Variants in TPR observed in about 807,000 individuals in gnomAD.
The protein encoded by TPR is nucleoprotein TPR.
TPR carries 51 observed loss-of-function variants against 316.1 expected under a neutral mutation model. That is an observed-to-expected ratio of 0.16 (90% CI 0.13 to 0.20). The LOEUF (loss-of-function observed/expected upper bound fraction) is 0.20. Among genes scored for constraint, TPR ranks in the 10% least tolerant of loss-of-function variants. The pLI is 1.00. For missense variants in TPR, 2,272 were observed against 2,754.8 expected (o/e 0.82, Z 3.92); for synonymous variants, 981 against 914.7 (o/e 1.07, Z -1.31).
chr1:186,374,898 T>C lies in TPR; in HGVS notation c.131A>G (p.Glu44Gly), dbSNP rs757444130. Residue 44 changes from glutamate (E) to glycine (G), a missense_variant, in exon 1 of 51, where the codon GAG becomes GGG. By Grantham distance (98) the Glu-to-Gly change is moderately conservative. Around this residue, in one of 10 missense-constraint regions of TPR, gnomAD observed 549 missense variants for 598.6 expected, o/e 0.92. Transcript: ENST00000367478. ...SEIDGLKGRH[E>G]KFKVESEQQY... ...CTTACCGCTCTCCACCTTAAATTTC[T>C]CATGCCGCCCCTTCAGGCCATCGAT... is the stretch of plus-strand genomic sequence containing the variant. 6.3e-7 allele frequency: 1 copy of C among 1,598,378 alleles called. No individual in the cohort carries two copies. Among genetic ancestry groups the C allele is most frequent in the Non-Finnish European group, 8.6e-7 (1 of 1,167,014 alleles).
rs749386887 is a variant in TPR, at chr1:186,317,479, C to G, written c.6940+3G>C. On this transcript the variant is annotated splice_donor_region_variant and intron_variant, in intron 49 of 50. Coordinates refer to ENST00000367478, the MANE Select transcript of TPR (RefSeq NM_003292.3). ...TGTATTGCAGTCAAGGGCAGGGACT[C>G]ACCTACAGATGAGCTAGAAGGAGGA... 10 of 1,612,794 alleles carry G rather than the reference C, an allele frequency of 6.2e-6. No homozygotes were observed. The highest frequency in any genetic ancestry group is 8.5e-6 in the Non-Finnish European group (10 of 1,178,914).
In TPR at chr1:186,339,792, T is replaced by C. The variant is rs1382914231; in HGVS notation, c.4021-20A>G. 2 of 1,547,404 alleles carry C rather than the reference T, an allele frequency of 1.3e-6. No homozygotes were observed. The highest frequency in any genetic ancestry group is 1.9e-4 in the Middle Eastern group (1 of 5,218). On this transcript the variant is annotated intron_variant, in intron 29 of 50. Transcript: ENST00000367478. ...TAGATGCTAGAATAACAAAAATGCATACTTGATTTTTTTAGGTTTTATGAA... is the reference window on the plus strand; with the variant it reads ...TAGATGCTAGAATAACAAAAATGCACACTTGATTTTTTTAGGTTTTATGAA...
At chr1:186,331,362 T>C in intron 39 of TPR, 136 bp downstream of exon 39, 1 of 570,128 alleles carries the variant, frequency 1.8e-6, no homozygotes, top group South Asian at 2.7e-5. Flanking sequence ...TCTGCAATGA[T>C]TAATTCTAGT....
At chr1:186,357,051 A>T (rs960000883) in intron 14 of TPR, among the ~76,000 whole-genome samples, 17 of 151,868 alleles carry the variant, frequency 1.1e-4, no homozygotes, top group African/African-American at 4.1e-4. Context: ...GAACACATAG[A>T]TTTTTTTTGC....
intron 4 of TPR, among the ~76,000 whole-genome samples, chr1:186,367,159 T>C (rs949463257): frequency 1.1e-4 from 16 of 147,158 alleles, no homozygotes; most frequent in African/African-American, 4.0e-4. Flanking sequence ...CTCCGGCTCC[T>C]GGGTTTAAGC....
chr1:186,375,132 A>G lies in TPR; in HGVS notation c.-104T>C, dbSNP rs1481852143. 4 of 1,556,138 alleles carry G rather than the reference A, an allele frequency of 2.6e-6. No homozygotes were observed. The highest frequency in any genetic ancestry group is 3.5e-6 in the Non-Finnish European group (4 of 1,151,080). ...AGACGCCTGGGCCGCCGCCTCTATCACCTCGCTCGGTGGCTCGCGCGCGCC... is the reference window on the plus strand; with the variant it reads ...AGACGCCTGGGCCGCCGCCTCTATCGCCTCGCTCGGTGGCTCGCGCGCGCC... On this transcript the variant is annotated 5_prime_UTR_variant, in exon 1 of 51. Transcript: ENST00000367478.
intron 13 of TPR, 75 bp downstream of exon 13, chr1:186,358,468 T>A (rs1051004155): frequency 2.7e-6 from 3 of 1,106,768 alleles, no homozygotes; most frequent in African/African-American, 3.2e-5. Flanking sequence ...CTATCTTAGG[T>A]ACCTTCAAAC....
chr1:186,318,884 A>C, intron 46 of TPR, 56 bp from the exon 47 acceptor site: 1 of 1,528,148 alleles, frequency 6.5e-7, no homozygotes, highest in Admixed American at 1.7e-5. Flanking sequence ...AATTATCAAC[A>C]AGTCAGGGAT....
intron 3 of TPR, among the ~76,000 whole-genome samples, chr1:186,369,901 G>GT (rs559080717): frequency 1.4e-4 from 21 of 148,262 alleles, no homozygotes; most frequent in South Asian, 6.4e-4. Context: ...TCACTTCATA[G>GT]TTTTTTTTTT....
Position 186,312,411 on chromosome 1 carries a change from A to T in TPR, c.*1560T>A. 6.5e-7 allele frequency: 1 copy of T among 1,538,502 alleles called. No homozygotes were observed. Among genetic ancestry groups the T allele is most frequent in the South Asian group, 1.2e-5 (1 of 84,850 alleles). The stretch of plus-strand genomic sequence containing the variant: ...TGTGTTAAAAAAATCCTTAAACATA[A>T]GTAGATGTAATACAGTTTCTTATAC... On this transcript the variant is annotated 3_prime_UTR_variant, in exon 51 of 51. Coordinates refer to ENST00000367478, the MANE Select transcript of TPR (RefSeq NM_003292.3).
chr1:186,317,060 T>G (rs779266390), intron 49 of TPR, among the ~76,000 whole-genome samples: 5 of 152,220 alleles, frequency 3.3e-5, no homozygotes, highest in Non-Finnish European at 5.9e-5. Context: ...AACCCCAATA[T>G]GTAGAACACA....
Position 186,331,603 on chromosome 1 carries a change from T to A in TPR, c.5605-22A>T, listed in dbSNP as rs751600023. On this transcript the variant is annotated intron_variant, in intron 38 of 50. Coordinates refer to ENST00000367478, the MANE Select transcript of TPR (RefSeq NM_003292.3). ...CTTCCTGTATCATAATACACTAATA[T>A]ATTAACCATATCAGTGTAGTAGATG... 3.2e-6 allele frequency: 5 copies of A among 1,545,988 alleles called. No homozygotes were observed. The South Asian group carries it at 4.7e-5, about 15-fold the overall frequency.
chr1:186,372,252 G>C (rs887164495), intron 2 of TPR, among the ~76,000 whole-genome samples: 1 of 152,166 alleles, frequency 6.6e-6, no homozygotes, highest in Non-Finnish European at 1.5e-5. Context: ...ACTATATTAA[G>C]TATCAATTAA....
Position 186,360,759 on chromosome 1 carries a change from C to G in TPR, c.1099+6G>C. ...CAACTCACTAACAAGCATCTATTAG[C>G]CATACCTTTACGTTTTGTGGCAGAA... On this transcript the variant is annotated splice_donor_region_variant and intron_variant, in intron 10 of 50. Transcript: ENST00000367478. 6.2e-7 allele frequency: 1 copy of G among 1,612,642 alleles called. No homozygotes were observed. The highest frequency in any genetic ancestry group is 1.3e-5 in the African/African-American group (1 of 74,980).
intron 4 of TPR, among the ~76,000 whole-genome samples, chr1:186,365,951 A>G (rs1659330156): frequency 6.6e-6 from 1 of 152,232 alleles, no homozygotes; most frequent in Admixed American, 6.5e-5. Flanking sequence ...ATGTGGAAAA[A>G]GAATGTAGAA....
At chr1:186,319,233 C>T (rs1657703087) in intron 46 of TPR, among the ~76,000 whole-genome samples, 2 of 152,150 alleles carry the variant, frequency 1.3e-5, no homozygotes, top group African/African-American at 2.4e-5. Flanking sequence ...AAGTGATCCT[C>T]CTGCCTTGGC....
intron 33 of TPR, among the ~76,000 whole-genome samples, chr1:186,336,029 T>A (rs1411838834): frequency 1.3e-5 from 2 of 152,096 alleles, no homozygotes; most frequent in Non-Finnish European, 2.9e-5. Flanking sequence ...TAGGCAAGGC[T>A]GAATAAAGCC....
intron 11 of TPR, 51 bp downstream of exon 11, chr1:186,360,222 T>TA: frequency 6.4e-7 from 1 of 1,568,456 alleles, no homozygotes; most frequent in Non-Finnish European, 8.7e-7. Context: ...AAGAGATTTG[T>TA]ATACATTTGC....
At chr1:186,321,889 C>T (rs1657786380) in intron 45 of TPR, among the ~76,000 whole-genome samples, 2 of 152,200 alleles carry the variant, frequency 1.3e-5, no homozygotes, top group Admixed American at 1.3e-4. Flanking sequence ...CAGGTAACAT[C>T]TTAAACATGT....
Sources: gnomAD v4.1 joint callset for allele counts (sites outside exome capture counted in the v4.1 genomes callset) on GRCh38, gnomAD v4.1.1 for gene constraint, gnomAD v4.1.1 regional missense constraint, MANE v1.5 for transcripts, NCBI Gene and HGNC (gene_info 2026-07-23, HGNC 2026-07-21) for gene names.